Variants in PPM1E observed in about 807,000 individuals in gnomAD.
PPM1E encodes protein phosphatase, Mg2+/Mn2+ dependent 1E, also known as protein phosphatase 1E.
In PPM1E, 20 loss-of-function variants were observed where a neutral mutation model predicts 65.9. The ratio of observed to expected loss-of-function variants is 0.30; its 90% CI spans 0.21 to 0.44. PPM1E has a LOEUF of 0.44. PPM1E is among the 20% of genes least tolerant of loss of function. The pLI is 1.00. For synonymous variants in PPM1E, 352 were observed against 374.9 expected (o/e 0.94, Z 0.70); for missense variants, 713 against 953.1 (o/e 0.75, Z 3.32).
chr17:58,840,168 C>G (rs1359506242), intron 1 of PPM1E, among the ~76,000 whole-genome samples: 2 of 152,172 alleles, frequency 1.3e-5, no homozygotes, highest in Non-Finnish European at 2.9e-5. Flanking sequence ...GTGGTAACTT[C>G]CCCCAGCAAC....
intron 1 of PPM1E, among the ~76,000 whole-genome samples, chr17:58,836,445 G>A (rs2050656950): frequency 6.7e-6 from 1 of 150,374 alleles, no homozygotes; most frequent in Admixed American, 6.6e-5. Context: ...GACAGAGTAA[G>A]ATCCTGTCTT....
At chr17:58,797,043 G>C (rs945877153) in intron 1 of PPM1E, among the ~76,000 whole-genome samples, 1 of 152,142 alleles carries the variant, frequency 6.6e-6, no homozygotes, top group Non-Finnish European at 1.5e-5. Flanking sequence ...GTGAGGCAGA[G>C]GTTGCAGTGA....
At chr17:58,849,281 C>G (rs2050802179) in intron 1 of PPM1E, among the ~76,000 whole-genome samples, 1 of 152,114 alleles carries the variant, frequency 6.6e-6, no homozygotes, top group Non-Finnish European at 1.5e-5. Flanking sequence ...TTCAATTCTG[C>G]TCTGATCTTA....
intron 3 of PPM1E, among the ~76,000 whole-genome samples, chr17:58,968,586 G>C (rs1381349750): frequency 3.3e-5 from 5 of 152,108 alleles, no homozygotes; most frequent in Non-Finnish European, 4.4e-5. Context: ...CTCCTCTAAG[G>C]CTCTTAGAAC....
chr17:58,801,916 C>G (rs974383972), intron 1 of PPM1E, among the ~76,000 whole-genome samples: 4 of 152,022 alleles, frequency 2.6e-5, no homozygotes, highest in African/African-American at 9.7e-5. Flanking sequence ...GCCACCACCT[C>G]CAGGTAATTT....
intron 1 of PPM1E, among the ~76,000 whole-genome samples, chr17:58,859,960 T>G (rs2050921365): frequency 6.6e-6 from 1 of 152,218 alleles, no homozygotes; most frequent in Non-Finnish European, 1.5e-5. Flanking sequence ...CCCCTTGGGC[T>G]GCAGTATGTC....
intron 2 of PPM1E, among the ~76,000 whole-genome samples, chr17:58,958,676 C>T (rs534449898): frequency 5.9e-5 from 9 of 151,354 alleles, no homozygotes; most frequent in Admixed American, 2.0e-4. Context: ...AGAAAATTAT[C>T]GAGGGACAGT....
chr17:58,801,677 G>A (rs992030871), intron 1 of PPM1E, among the ~76,000 whole-genome samples: 3 of 151,638 alleles, frequency 2.0e-5, no homozygotes, highest in South Asian at 2.1e-4. Flanking sequence ...TCTTGACCTC[G>A]TGATCTGTCT....
At chr17:58,932,461 G>A (rs1370759022) in intron 1 of PPM1E, among the ~76,000 whole-genome samples, 5 of 151,976 alleles carry the variant, frequency 3.3e-5, no homozygotes, top group African/African-American at 4.8e-5. Flanking sequence ...AGAGCAAGAC[G>A]CTGTCTCAAA....
intron 1 of PPM1E, among the ~76,000 whole-genome samples, chr17:58,759,619 A>T (rs923418976): frequency 3.3e-5 from 5 of 152,360 alleles, no homozygotes; most frequent in Admixed American, 2.6e-4. Context: ...AGTCATTATT[A>T]GAGCTATATT....
At chr17:58,942,097 G>T (rs2052079989) in intron 1 of PPM1E, among the ~76,000 whole-genome samples, 1 of 151,366 alleles carries the variant, frequency 6.6e-6, no homozygotes, top group African/African-American at 2.4e-5. Flanking sequence ...AAATACTGAT[G>T]AATAATAGCT....
intron 1 of PPM1E, among the ~76,000 whole-genome samples, chr17:58,885,242 A>G (rs1027008211): frequency 1.3e-5 from 2 of 152,150 alleles, no homozygotes; most frequent in Non-Finnish European, 2.9e-5. Flanking sequence ...TTTTTAGTAC[A>G]GGTGGGGTTT....
intron 1 of PPM1E, among the ~76,000 whole-genome samples, chr17:58,789,483 AGTAG>A (rs1460121640): frequency 6.6e-6 from 1 of 152,102 alleles, no homozygotes; most frequent in African/African-American, 2.4e-5. Flanking sequence ...TCTTTCTAGT[AGTAG>A]GTTAAATTTA....
intron 1 of PPM1E, among the ~76,000 whole-genome samples, chr17:58,792,856 C>T (rs889729150): frequency 1.4e-5 from 2 of 140,922 alleles, no homozygotes; most frequent in Admixed American, 7.6e-5. Context: ...TGGGTTCAAG[C>T]GATTCTCCTG....
intron 1 of PPM1E, among the ~76,000 whole-genome samples, chr17:58,822,616 C>T (rs2050492615): frequency 6.6e-6 from 1 of 151,934 alleles, no homozygotes; most frequent in Admixed American, 6.6e-5. Context: ...AACGTGTAGC[C>T]CATAGGCATT....
In PPM1E at chr17:58,980,787, CAAA is replaced by C. The variant is rs1484496970; in HGVS notation, c.2025_2027del (p.Lys677del). 6.2e-7 allele frequency: 1 copy of C among 1,614,128 alleles called. No homozygotes were observed. The highest frequency in any genetic ancestry group is 1.1e-5 in the South Asian group (1 of 91,086). On this transcript the variant is annotated inframe_deletion, in exon 7 of 7. Transcript: ENST00000308249. This position sits in a 1 kb window ranked among gnomAD's most constrained non-coding sequence, Gnocchi z 4.7. Reference sequence around the variant, plus strand: ...TTGTCTCATTTACGCCACCACTACTCAAAGAAGTGGCACAGATTCAGGTTTAAT... The same window carrying C: ...TTGTCTCATTTACGCCACCACTACTCGAAGTGGCACAGATTCAGGTTTAAT...
chr17:58,897,434 A>G (rs2143455071), intron 1 of PPM1E, among the ~76,000 whole-genome samples: 1 of 152,136 alleles, frequency 6.6e-6, no homozygotes, highest in African/African-American at 2.4e-5. Context: ...AAGAAAAAAG[A>G]AAATGCTACT....
At chr17:58,933,660 G>A (rs1175733369) in intron 1 of PPM1E, among the ~76,000 whole-genome samples, 1 of 151,914 alleles carries the variant, frequency 6.6e-6, no homozygotes, top group Non-Finnish European at 1.5e-5. Context: ...GCTGGGCATG[G>A]TGGCGGGCGC....
rs959763147 is a variant in PPM1E at position 58,867,511 on chromosome 17, A to G, written c.465-88138A>G. ...GCTCTTACTCCCTCCAAGGCCTTCA[A>G]TCTTAGAGGGTATTGCTTAAGGTTT... On this transcript the variant is annotated intron_variant, in intron 1 of 6. Coordinates refer to ENST00000308249, the MANE Select transcript of PPM1E (RefSeq NM_014906.5). 1.1e-3 allele frequency among the ~76,000 whole-genome samples: 166 copies of G among 152,280 alleles called. 1 individual carries two copies. Among genetic ancestry groups the G allele is most frequent in the African/African-American group, 3.7e-3 (155 of 41,566 alleles).
Sources: allele counts gnomAD v4.1 joint callset (sites outside exome capture counted in the v4.1 genomes callset), GRCh38; gene constraint gnomAD v4.1.1; non-coding constraint Gnocchi (gnomAD v3.1); transcripts MANE v1.5; gene names NCBI Gene and HGNC (gene_info 2026-07-23, HGNC 2026-07-21).